The following EZR variants were observed in gnomAD, a reference collection of about 807,000 sequenced individuals.
The protein encoded by EZR is cytovillin 2.
A neutral mutation model predicts 74.8 loss-of-function variants in EZR; 40 were observed. The observed-to-expected ratio is 0.53, with a 90% CI of 0.42 to 0.70. EZR has a LOEUF of 0.70. EZR is among the 30% of genes least tolerant of loss of function. EZR has a pLI of 0.00. For missense variants in EZR, 678 were observed against 755.8 expected (o/e 0.90, Z 1.21); for synonymous variants, 341 against 283.3 (o/e 1.20, Z -2.05).
In EZR at chr6:158,776,332, G is replaced by A. The variant is rs566089911; in HGVS notation, c.795+76C>T. 6 of 1,208,134 alleles carry A rather than the reference G, an allele frequency of 5.0e-6. No homozygotes were observed. In the South Asian group the frequency reaches 7.3e-5, roughly 15 times the overall value. The allele number at this position is 1,208,134 out of a possible 1,614,324, so 74.8% of individuals were successfully genotyped here. ...GGACTATCACTGGCTACTCGTCACA[G>A]TATAACTTGTCCGTTACCCTGACAA... is the stretch of plus-strand genomic sequence containing the variant. On this transcript the variant is annotated intron_variant, in intron 8 of 13. Coordinates refer to ENST00000367075, the MANE Select transcript of EZR (RefSeq NM_001111077.2).
chr6:158,775,212 T>C (rs1370991982), intron 8 of EZR, among the ~76,000 whole-genome samples: 1 of 151,990 alleles, frequency 6.6e-6, no homozygotes, highest in Non-Finnish European at 1.5e-5. Flanking sequence ...TTTGTATTTT[T>C]AGTAGAGATG....
At chr6:158,818,513 G>A (rs1022997810) in intron 1 of EZR, among the ~76,000 whole-genome samples, 1 of 149,504 alleles carries the variant, frequency 6.7e-6, no homozygotes, top group Admixed American at 6.6e-5. Flanking sequence ...GCCCGGGAGA[G>A]AGAGGGCAGG....
At chr6:158,803,618 TATATATAC>T (rs1777260901) in intron 2 of EZR, among the ~76,000 whole-genome samples, 2 of 18,210 alleles carry the variant, frequency 1.1e-4, no homozygotes, top group Middle Eastern at 0.028. Context: ...TATATATATA[TATATATAC>T]ATATACATAC....
Position 158,783,529 on chromosome 6 carries a change from T to G in EZR, c.689A>C (p.Lys230Thr). The G allele has an allele frequency of 6.2e-7, 1 of 1,611,950 alleles. No homozygotes were observed. The highest frequency in any genetic ancestry group is 1.1e-5 in the South Asian group (1 of 90,930). The change falls in exon 7 of 14, where the codon AAA becomes ACA. Residue 230 changes from lysine (K) to threonine (T), a missense_variant. Physicochemically the swap from Lys to Thr is moderately conservative, Grantham distance 78 (BLOSUM62 -1). Coordinates refer to ENST00000367075, the MANE Select transcript of EZR (RefSeq NM_001111077.2). ...GTGAACTTCAACTCACTTATCATCT[T>G]TCTCATAAATATTCAGTCCAAGGGC... ...VDALGLNIYE[K>T]DDKLTPKIGF...
chr6:158,817,986 C>T, intron 2 of EZR, 96 bp downstream of exon 2: 1 of 1,266,078 alleles, frequency 7.9e-7, no homozygotes, highest in Non-Finnish European at 1.1e-6. Context: ...GAGAAGAACC[C>T]TGTTCCCCAG....
chr6:158,786,293 G>C (rs947733506), intron 4 of EZR, among the ~76,000 whole-genome samples: 1 of 152,098 alleles, frequency 6.6e-6, no homozygotes, highest in Non-Finnish European at 1.5e-5. Flanking sequence ...AGAATCACTT[G>C]AACCCAGGAG....
At chr6:158,785,089 C>A (rs1381982822) in intron 5 of EZR, among the ~76,000 whole-genome samples, 2 of 152,206 alleles carry the variant, frequency 1.3e-5, no homozygotes, top group Non-Finnish European at 2.9e-5. Context: ...TATGCCATGT[C>A]CCACAGGACA....
At chr6:158,818,969 T>C (rs1258129896) in intron 1 of EZR, among the ~76,000 whole-genome samples, 1 of 152,076 alleles carries the variant, frequency 6.6e-6, no homozygotes, top group Non-Finnish European at 1.5e-5. Context: ...CAAGTTTCAC[T>C]TTGTGTAGCA....
intron 6 of EZR, among the ~76,000 whole-genome samples, chr6:158,784,397 C>A (rs1791511328): frequency 6.6e-6 from 1 of 152,216 alleles, no homozygotes; most frequent in Non-Finnish European, 1.5e-5. Context: ...ACACTTTCTA[C>A]AAAGGGAGGG....
chr6:158,790,292 G>A (rs1442608669), intron 2 of EZR, among the ~76,000 whole-genome samples: 1 of 152,254 alleles, frequency 6.6e-6, no homozygotes, highest in Non-Finnish European at 1.5e-5. Flanking sequence ...AATGGAAATA[G>A]TATGAGGATG....
At chr6:158,771,209 C>A in intron 9 of EZR, 35 bp downstream of exon 9, 1 of 1,575,112 alleles carries the variant, frequency 6.3e-7, no homozygotes. Flanking sequence ...GTTGGGAGAA[C>A]ACAGGCCCCC....
rs903527392 is a variant in EZR at position 158,787,053 on chromosome 6, G to A, written c.192+55C>T. 9 of 1,395,958 alleles carry A rather than the reference G, an allele frequency of 6.4e-6. No individual in the cohort carries two copies. In the Admixed American group the frequency reaches 7.0e-5, roughly 11 times the overall value. The allele number at this position is 1,395,958 out of a possible 1,614,324, so 86.5% of individuals were successfully genotyped here. A position where few individuals can be genotyped will look rare whatever the true frequency, so the allele number is the denominator to read the frequency against. ...GGTGAGTTGCTCCAGTTTCCTTATC[G>A]ATGAAGCAGACCAACACCCAATCCA... On this transcript the variant is annotated intron_variant, in intron 4 of 13. Coordinates refer to ENST00000367075, the MANE Select transcript of EZR (RefSeq NM_001111077.2).
chr6:158,767,719 G>A (rs149659910), intron 12 of EZR, among the ~76,000 whole-genome samples: 94 of 152,180 alleles, frequency 6.2e-4, no homozygotes, highest in African/African-American at 2.0e-3. Flanking sequence ...CTGTGATGCC[G>A]GAACCTGGGC....
intron 2 of EZR, among the ~76,000 whole-genome samples, chr6:158,802,664 C>T (rs561725220): frequency 6.6e-4 from 101 of 152,134 alleles, no homozygotes; most frequent in African/African-American, 2.2e-3. Context: ...CCCGAGTAGC[C>T]GGGATTATAG....
intron 8 of EZR, among the ~76,000 whole-genome samples, chr6:158,774,678 C>A (rs1221115299): frequency 3.2e-5 from 1 of 31,180 alleles, no homozygotes; most frequent in African/African-American, 1.0e-4. Context: ...ATCAAACACA[C>A]ACACACACAC....
chr6:158,767,516 T>C lies in EZR; in HGVS notation c.1345-4A>G. 1 of 1,569,222 alleles carries C rather than the reference T, an allele frequency of 6.4e-7. No homozygotes were observed. Among genetic ancestry groups the C allele is most frequent in the Non-Finnish European group, 8.6e-7 (1 of 1,157,396 alleles). On this transcript the variant is annotated splice_polypyrimidine_tract_variant and splice_region_variant and intron_variant, in intron 12 of 13. Coordinates refer to ENST00000367075, the MANE Select transcript of EZR (RefSeq NM_001111077.2). ...GGTCATCCTGGGCTTCTTTGGCCTT[T>C]GGAAAGCAAATTAATAAGAGGACTT...
intron 8 of EZR, among the ~76,000 whole-genome samples, chr6:158,774,909 T>C (rs1272374466): frequency 6.6e-6 from 1 of 152,100 alleles, no homozygotes; most frequent in Admixed American, 6.6e-5. Context: ...CCTCCATTCA[T>C]GCTGTTGCAT....
At chr6:158,807,722 CCT>C (rs1017797577) in intron 2 of EZR, among the ~76,000 whole-genome samples, 6 of 152,154 alleles carry the variant, frequency 3.9e-5, no homozygotes, top group South Asian at 2.1e-4. Flanking sequence ...CTCACCACCC[CCT>C]GACGATGTAT....
intron 2 of EZR, among the ~76,000 whole-genome samples, chr6:158,800,599 G>C (rs771367726): frequency 6.6e-6 from 1 of 152,120 alleles, no homozygotes; most frequent in Non-Finnish European, 1.5e-5. Context: ...CCAGCAGTTC[G>C]AGACCAGCCT....
Sources: gnomAD v4.1 joint callset for allele counts (sites outside exome capture counted in the v4.1 genomes callset) on GRCh38, gnomAD v4.1.1 for gene constraint, MANE v1.5 for transcripts, NCBI Gene and HGNC (gene_info 2026-07-23, HGNC 2026-07-21) for gene names.